The following GRAMD2B variants were observed in gnomAD, a reference collection of about 807,000 sequenced individuals.
GRAMD2B encodes GRAM domain-containing protein 2B.
In GRAMD2B, 41 loss-of-function variants were observed where a neutral mutation model predicts 59.2. The observed-to-expected ratio is 0.69, with a 90% confidence interval of 0.54 to 0.90. The LOEUF (loss-of-function observed/expected upper bound fraction) is 0.90. Among genes scored for constraint, GRAMD2B ranks in the 40% least tolerant of loss-of-function variants. The pLI, the probability that GRAMD2B is intolerant of heterozygous loss-of-function variation, is 0.00. For synonymous variants in GRAMD2B, 161 were observed against 182.7 expected, an observed-to-expected ratio of 0.88 and a Z score of 0.96; for missense variants, 424 against 500.5, an observed-to-expected ratio of 0.85 and a Z score of 1.46.
rs770224093 is a variant in GRAMD2B at position 126,423,706 on chromosome 5, G to A, written c.83+17G>A. The A allele has an allele frequency of 6.3e-7, 1 of 1,595,818 alleles. No homozygotes were observed. Among genetic ancestry groups the A allele is most frequent in the Non-Finnish European group, 8.5e-7 (1 of 1,172,564 alleles). On this transcript the variant is annotated intron_variant, in intron 1 of 13. Transcript: ENST00000285689. ...CTCAGCCCAGTGAGTATTCTCAGCT[G>A]GGACCCATCCAAGGAGGTGGGAGGA...
At chr5:126,448,043 T>A (rs1340350131) in intron 1 of GRAMD2B, among the ~76,000 whole-genome samples, 1 of 151,450 alleles carries the variant, frequency 6.6e-6, no homozygotes, top group Non-Finnish European at 1.5e-5. Flanking sequence ...TATTTTTTAG[T>A]AGAGAGAGGG....
At chr5:126,483,362 G>A in intron 8 of GRAMD2B, 101 bp from the exon 9 acceptor site, 1 of 617,234 alleles carries the variant, frequency 1.6e-6, no homozygotes, top group East Asian at 2.9e-5. Flanking sequence ...TCTATTCTAT[G>A]TTTTATAGGT....
At chr5:126,389,611 C>T (rs1444223088) in intron 1 of GRAMD2B, among the ~76,000 whole-genome samples, 1 of 152,164 alleles carries the variant, frequency 6.6e-6, no homozygotes, top group Non-Finnish European at 1.5e-5. Context: ...AAATGTTTCA[C>T]AGCGTAAGAT....
upstream of GRAMD2B, among the ~76,000 whole-genome samples, chr5:126,368,270 G>A (rs1754559796): frequency 1.3e-5 from 2 of 152,312 alleles, no homozygotes; most frequent in South Asian, 4.1e-4. Context: ...GAAAGCTGTG[G>A]CACAGGCTAG....
At chr5:126,416,758 C>T (rs1018841148) in intron 1 of GRAMD2B, among the ~76,000 whole-genome samples, 1 of 152,158 alleles carries the variant, frequency 6.6e-6, no homozygotes, top group Non-Finnish European at 1.5e-5. Flanking sequence ...GGCTGGCAAG[C>T]TCTGCAACCA....
chr5:126,472,175 T>C, intron 3 of GRAMD2B, 63 bp from the exon 4 acceptor site: 1 of 1,321,398 alleles, frequency 7.6e-7, no homozygotes. Flanking sequence ...TTGTTGAAGT[T>C]GAATTTGTGA....
intron 1 of GRAMD2B, among the ~76,000 whole-genome samples, chr5:126,446,990 C>T (rs1161706065): frequency 6.6e-6 from 1 of 152,184 alleles, no homozygotes; most frequent in Admixed American, 6.5e-5. Flanking sequence ...ACGGCCCCTC[C>T]CAGCAGTAAT....
chr5:126,391,596 A>C (rs1756792016), intron 1 of GRAMD2B, among the ~76,000 whole-genome samples: 1 of 152,226 alleles, frequency 6.6e-6, no homozygotes, highest in Non-Finnish European at 1.5e-5. Flanking sequence ...ATGCAACGGA[A>C]TATTATTTGG....
At chr5:126,471,094 T>G (rs187825974) in intron 3 of GRAMD2B, among the ~76,000 whole-genome samples, 93 of 152,294 alleles carry the variant, frequency 6.1e-4, no homozygotes, top group Middle Eastern at 6.8e-3. Flanking sequence ...CCATCTATCA[T>G]CTTGATGACC....
upstream of GRAMD2B, chr5:126,371,182 TA>T: frequency 7.3e-6 from 3 of 408,890 alleles, no homozygotes; most frequent in Non-Finnish European, 6.8e-6. Context: ...CTTAGTGAAC[TA>T]AAAGTTGAAT....
intron 1 of GRAMD2B, among the ~76,000 whole-genome samples, chr5:126,404,007 T>A (rs1057340526): frequency 3.3e-5 from 5 of 151,988 alleles, no homozygotes; most frequent in African/African-American, 1.2e-4. Flanking sequence ...AAGGATGGAA[T>A]GCTAAAGTCT....
chr5:126,369,113 C>CA (rs1754610574), upstream of GRAMD2B, among the ~76,000 whole-genome samples: 1 of 152,206 alleles, frequency 6.6e-6, no homozygotes, highest in Non-Finnish European at 1.5e-5. Flanking sequence ...GGTCCATGCC[C>CA]ATTTATTTGT....
intron 1 of GRAMD2B, among the ~76,000 whole-genome samples, chr5:126,450,273 C>T (rs1765101313): frequency 6.6e-6 from 1 of 152,024 alleles, no homozygotes; most frequent in African/African-American, 2.4e-5. Context: ...TCTTCTAAGT[C>T]GGCTTCTAAT....
chr5:126,493,996 A>G lies in GRAMD2B; in HGVS notation c.*1040A>G, dbSNP rs1016957393. Reference sequence around the variant, plus strand: ...TAAGTACAAAGGATATTCTGTTTCTATCTGCAATGCATTTGATAATCATTT... The same window carrying G: ...TAAGTACAAAGGATATTCTGTTTCTGTCTGCAATGCATTTGATAATCATTT... On this transcript the variant is annotated 3_prime_UTR_variant, in exon 14 of 14. Coordinates refer to ENST00000285689, the MANE Select transcript of GRAMD2B (RefSeq NM_023927.4). 7 of 152,652 alleles carry G rather than the reference A, an allele frequency of 4.6e-5. No individual in the cohort carries two copies. The highest frequency in any genetic ancestry group is 1.9e-4 in the East Asian group (1 of 5,206). 9.5% of individuals were successfully genotyped at this position (152,652 alleles called of 1,614,324 possible).
chr5:126,383,509 T>C (rs145124765), intron 1 of GRAMD2B, among the ~76,000 whole-genome samples: 1 of 152,202 alleles, frequency 6.6e-6, no homozygotes, highest in Non-Finnish European at 1.5e-5. Flanking sequence ...TCATGGGAAC[T>C]TTTTATAGGC....
chr5:126,482,314 G>A (rs985239244), intron 8 of GRAMD2B, among the ~76,000 whole-genome samples: 1 of 152,076 alleles, frequency 6.6e-6, no homozygotes, highest in African/African-American at 2.4e-5. Context: ...TTTAAATGGT[G>A]GATTTTATGT....
At chr5:126,412,364 A>G (rs1190521426) in intron 1 of GRAMD2B, among the ~76,000 whole-genome samples, 1 of 152,152 alleles carries the variant, frequency 6.6e-6, no homozygotes, top group Non-Finnish European at 1.5e-5. Context: ...CTATTGAGAT[A>G]ATCATATGGT....
At chr5:126,393,552 C>T (rs1409639682) in intron 1 of GRAMD2B, among the ~76,000 whole-genome samples, 1 of 152,154 alleles carries the variant, frequency 6.6e-6, no homozygotes, top group Admixed American at 6.5e-5. Context: ...TTCCACCTTA[C>T]CTGTAAGGCA....
intron 1 of GRAMD2B, among the ~76,000 whole-genome samples, chr5:126,415,848 GA>G (rs1759224591): frequency 6.6e-6 from 1 of 152,042 alleles, no homozygotes. Flanking sequence ...TTAAAAAGAC[GA>G]AAAGTCAGAA....
Sources: allele counts gnomAD v4.1 joint callset (sites outside exome capture counted in the v4.1 genomes callset), GRCh38; gene constraint gnomAD v4.1.1; transcripts MANE v1.5; gene names NCBI Gene and HGNC (gene_info 2026-07-23, HGNC 2026-07-21).